The following ARHGAP26 variants were observed in gnomAD, a reference collection of about 807,000 sequenced individuals.
ARHGAP26 encodes the protein rho GTPase-activating protein 26.
ARHGAP26 carries 38 observed loss-of-function variants against 104.8 expected under a neutral mutation model. The observed-to-expected ratio is 0.36, with a 90% CI of 0.28 to 0.48. The LOEUF is 0.48. Among genes scored for constraint, ARHGAP26 ranks in the 20% least tolerant of loss-of-function variants. ARHGAP26 has a pLI of 0.99. For synonymous variants in ARHGAP26, 341 were observed against 340.0 expected (o/e 1.00, Z -0.03); for missense variants, 704 against 947.9 (o/e 0.74, Z 3.38).
chr5:142,887,378 T>A (rs1490778143), intron 5 of ARHGAP26, among the ~76,000 whole-genome samples: 3 of 152,236 alleles, frequency 2.0e-5, no homozygotes, highest in Non-Finnish European at 4.4e-5. Context: ...TAAATACTCA[T>A]GAAATATCTG....
At chr5:142,903,384 C>G (rs1041689191) in intron 7 of ARHGAP26, among the ~76,000 whole-genome samples, 156 bp from the exon 8 acceptor site, 3 of 152,064 alleles carry the variant, frequency 2.0e-5, no homozygotes, top group African/African-American at 7.2e-5. Context: ...GACTTTAAGG[C>G]CAAAGTATAC....
intron 1 of ARHGAP26, among the ~76,000 whole-genome samples, chr5:142,791,121 C>T (rs1328879175): frequency 1.3e-5 from 2 of 148,632 alleles, no homozygotes; most frequent in East Asian, 3.9e-4. Context: ...GCTCTGTTGC[C>T]AGGCTGGAGT....
intron 9 of ARHGAP26, 30 bp from the exon 10 acceptor site, chr5:142,913,168 CT>C (rs1762056175): frequency 6.3e-7 from 1 of 1,586,864 alleles, no homozygotes; most frequent in African/African-American, 1.3e-5. Context: ...CCATTCTGGC[CT>C]CATCTTGATA....
intron 20 of ARHGAP26, among the ~76,000 whole-genome samples, chr5:143,150,238 G>C (rs1056733331): frequency 1.3e-5 from 2 of 152,202 alleles, no homozygotes; most frequent in African/African-American, 4.8e-5. Context: ...AGCAACTGTG[G>C]CTGAACCTAT....
chr5:142,835,145 A>C (rs926397872), intron 1 of ARHGAP26, among the ~76,000 whole-genome samples: 7 of 152,206 alleles, frequency 4.6e-5, no homozygotes, highest in African/African-American at 1.7e-4. Context: ...TCTGTACTAA[A>C]TCATTTTCTT....
At chr5:142,863,608 C>A (rs966229871) in intron 1 of ARHGAP26, among the ~76,000 whole-genome samples, 6 of 152,158 alleles carry the variant, frequency 3.9e-5, no homozygotes, top group African/African-American at 1.2e-4. Flanking sequence ...ATGTTCCAGG[C>A]ACGTGCTAGG....
intron 17 of ARHGAP26, among the ~76,000 whole-genome samples, chr5:143,102,838 C>T (rs3776314): frequency 6.6e-6 from 1 of 152,032 alleles, no homozygotes; most frequent in South Asian, 2.1e-4. Context: ...CTTTTTTCAC[C>T]TCCCTTGCTT....
At chr5:142,874,288 ATTC>A (rs1215168673) in intron 2 of ARHGAP26, among the ~76,000 whole-genome samples, 1 of 152,198 alleles carries the variant, frequency 6.6e-6, no homozygotes, top group African/African-American at 2.4e-5. Context: ...ATTGCACACT[ATTC>A]TTCTATAGGC....
intron 17 of ARHGAP26, among the ~76,000 whole-genome samples, chr5:143,085,349 G>A (rs3776321): frequency 0.075 from 11,416 of 152,026 alleles, 728 homozygotes; most frequent in East Asian, 0.2. Flanking sequence ...CAGAGCATAG[G>A]GTCTCTAATT....
intron 12 of ARHGAP26, among the ~76,000 whole-genome samples, chr5:143,017,673 G>T (rs1779777387): frequency 6.6e-6 from 1 of 152,110 alleles, no homozygotes; most frequent in Non-Finnish European, 1.5e-5. Context: ...ATTGTGTCAG[G>T]AGCCATTCGT....
chr5:142,898,506 C>T (rs1759803709), intron 6 of ARHGAP26, among the ~76,000 whole-genome samples: 1 of 152,194 alleles, frequency 6.6e-6, no homozygotes, highest in East Asian at 1.9e-4. Context: ...CCCTCTGCTT[C>T]TGTCCCATTG....
intron 17 of ARHGAP26, among the ~76,000 whole-genome samples, chr5:143,093,442 A>G (rs1253796642): frequency 6.6e-6 from 1 of 152,138 alleles, no homozygotes; most frequent in Admixed American, 6.5e-5. Context: ...TAGGTTTTAA[A>G]TTTACCCTGG....
chr5:142,986,338 A>G (rs1774725236), intron 11 of ARHGAP26, among the ~76,000 whole-genome samples: 1 of 152,072 alleles, frequency 6.6e-6, no homozygotes, highest in Non-Finnish European at 1.5e-5. Flanking sequence ...TTCTTTGCCC[A>G]CTTTTTGATG....
intron 1 of ARHGAP26, among the ~76,000 whole-genome samples, chr5:142,837,964 C>G (rs1232743712): frequency 6.6e-6 from 1 of 152,064 alleles, no homozygotes; most frequent in Admixed American, 6.6e-5. Flanking sequence ...GCAGGTATGA[C>G]ATGTTGAGGG....
chr5:142,955,027 C>T (rs941853821), intron 11 of ARHGAP26, among the ~76,000 whole-genome samples: 8 of 151,772 alleles, frequency 5.3e-5, no homozygotes, highest in Non-Finnish European at 1.2e-4. Context: ...GCCTGTAATC[C>T]CAACAGTTTG....
intron 17 of ARHGAP26, among the ~76,000 whole-genome samples, chr5:143,106,373 C>T (rs1392247842): frequency 6.6e-6 from 1 of 151,426 alleles, no homozygotes; most frequent in African/African-American, 2.4e-5. Flanking sequence ...GCAACGATTG[C>T]ACAGCTTCCA....
At chr5:142,889,253 C>G (rs927279506) in intron 5 of ARHGAP26, among the ~76,000 whole-genome samples, 4 of 152,180 alleles carry the variant, frequency 2.6e-5, no homozygotes, top group African/African-American at 9.7e-5. Flanking sequence ...ATACACCGTT[C>G]TGAGCACTGG....
intron 21 of ARHGAP26, among the ~76,000 whole-genome samples, 168 bp from the exon 22 acceptor site, chr5:143,213,829 T>A (rs994113202): frequency 6.6e-6 from 1 of 152,188 alleles, no homozygotes; most frequent in Non-Finnish European, 1.5e-5. Context: ...TCTCCTGTGA[T>A]CTTTGCAGCT....
chr5:143,134,051 T>C lies in ARHGAP26; in HGVS notation c.1783T>C (p.Ser595Pro), dbSNP rs758011894. ...GAAGAGCAGTGACTCCAAGCCCCCG[T>C]CCTGCAGCGAGAGGCCCCTGACGCT... ...RKKSSDSKPP[S>P]CSERPLTLFH... The change falls in exon 19 of 23, where the codon TCC (serine) becomes CCC (proline). Residue 595 changes from serine (S) to proline (P), a missense_variant. Ser to Pro is a moderately conservative substitution (Grantham distance 74). This residue lies in a region of ARHGAP26 where 217 missense variants were observed against 242.6 expected (regional missense o/e 0.89). Coordinates refer to ENST00000645722, the MANE Select transcript of ARHGAP26 (RefSeq NM_001135608.3). 1 of 1,612,824 alleles carries C rather than the reference T, an allele frequency of 6.2e-7. No individual in the cohort carries two copies. The highest frequency in any genetic ancestry group is 8.5e-7 in the Non-Finnish European group (1 of 1,179,398).
Sources: allele counts gnomAD v4.1 joint callset (sites outside exome capture counted in the v4.1 genomes callset), GRCh38; gene constraint gnomAD v4.1.1; regional missense constraint gnomAD v4.1.1; transcripts MANE v1.5; gene names NCBI Gene and HGNC (gene_info 2026-07-23, HGNC 2026-07-21).